The following FBXW7 variants were observed in gnomAD, a reference collection of about 807,000 sequenced individuals.
FBXW7 encodes F-box and WD repeat domain containing 7, also known as F-box/WD repeat-containing protein 7.
FBXW7 carries 11 observed loss-of-function variants against 86.3 expected under a neutral mutation model. The observed-to-expected ratio is 0.13, with a 90% CI of 0.08 to 0.21. The LOEUF (loss-of-function observed/expected upper bound fraction) is 0.21, where lower values mean the gene tolerates loss of function less well. Among genes scored for constraint, FBXW7 ranks in the 10% least tolerant of loss-of-function variants. The probability of loss-of-function intolerance (pLI) is 1.00; values close to 1 mark genes in which losing one functional copy is unlikely to be tolerated. For missense variants in FBXW7, 488 were observed against 847.4 expected, an observed-to-expected ratio of 0.58 and a Z score of 5.27; for synonymous variants, 313 against 297.9, an observed-to-expected ratio of 1.05 and a Z score of -0.52.
At chr4:152,474,102 T>C (rs1442914882) in intron 2 of FBXW7, among the ~76,000 whole-genome samples, 1 of 152,192 alleles carries the variant, frequency 6.6e-6, no homozygotes, top group African/African-American at 2.4e-5. Context: ...ATCCCAAACC[T>C]AAATAGCCCA....
At chr4:152,421,029 C>T (rs1738897277) in intron 2 of FBXW7, among the ~76,000 whole-genome samples, 4 of 152,136 alleles carry the variant, frequency 2.6e-5, no homozygotes. Flanking sequence ...GCTGTTTCAT[C>T]TACATTGAAA....
At chr4:152,353,291 A>T (rs34651152) in intron 4 of FBXW7, among the ~76,000 whole-genome samples, 2,266 of 152,108 alleles carry the variant, frequency 0.015, 28 homozygotes, top group Middle Eastern at 0.037. Flanking sequence ...AAATTAATAT[A>T]CTCTGGGGTT....
chr4:152,329,433 G>C (rs1729349582), intron 10 of FBXW7, among the ~76,000 whole-genome samples: 1 of 151,724 alleles, frequency 6.6e-6, no homozygotes, highest in African/African-American at 2.4e-5. Context: ...CTGTCACAAA[G>C]ATAGACAAAC....
intron 4 of FBXW7, among the ~76,000 whole-genome samples, chr4:152,364,427 T>C (rs1481175344): frequency 5.9e-5 from 9 of 152,156 alleles, no homozygotes; most frequent in Non-Finnish European, 1.0e-4. Context: ...CCAAAATGAT[T>C]TGAACCCTAT....
intron 7 of FBXW7, among the ~76,000 whole-genome samples, chr4:152,333,499 G>C (rs1347544059): frequency 1.3e-5 from 2 of 151,042 alleles, no homozygotes; most frequent in Non-Finnish European, 3.0e-5. Context: ...AGAAAGAAGG[G>C]GAATTATAGC....
chr4:152,468,208 G>A (rs1743631405), intron 2 of FBXW7, among the ~76,000 whole-genome samples: 1 of 152,000 alleles, frequency 6.6e-6, no homozygotes, highest in Non-Finnish European at 1.5e-5. Flanking sequence ...TTGTAAAATG[G>A]TACAGCCATT....
intron 2 of FBXW7, among the ~76,000 whole-genome samples, chr4:152,415,878 T>C (rs1432756024): frequency 2.0e-5 from 3 of 152,158 alleles, no homozygotes; most frequent in Non-Finnish European, 4.4e-5. Flanking sequence ...TCTGTTCAAA[T>C]GTCCCCTATT....
At position 152,321,449 on chromosome 4, in the gene FBXW7, A is replaced by G. The variant is rs549907405; in HGVS notation, c.*1432T>C. The G allele has an allele frequency of 3.9e-5, 9 of 232,966 alleles. No homozygotes were observed. The highest frequency in any genetic ancestry group is 3.4e-4 in the Admixed American group (6 of 17,762). 14.4% of individuals were successfully genotyped at this position (232,966 alleles called of 1,614,324 possible). On this transcript the variant is annotated 3_prime_UTR_variant, in exon 14 of 14. Coordinates refer to ENST00000281708, the MANE Select transcript of FBXW7 (RefSeq NM_001349798.2). ...ATAAATAAAACAAACAAAAAAATAA[A>G]CAGAAGGAGGAAAAAAGATCGCCTA... is the stretch of plus-strand genomic sequence containing the variant.
chr4:152,353,069 C>T lies in FBXW7; in HGVS notation c.502-2945G>A, dbSNP rs1732015318. 2.9e-6 allele frequency: 3 copies of T among 1,030,842 alleles called. No individual in the cohort carries two copies. The African/African-American group carries it at 4.9e-5, about 17-fold the overall frequency. 63.9% of individuals were successfully genotyped at this position (1,030,842 alleles called of 1,614,324 possible). ...GAGGTTATTTTTGTATTTTGTAAAA[C>T]CTGCATTTTTGAAGAGTTTTAAATA... On this transcript the variant is annotated intron_variant, in intron 4 of 13. Coordinates refer to ENST00000281708, the MANE Select transcript of FBXW7 (RefSeq NM_001349798.2).
chr4:152,508,261 C>T (rs1262148633), intron 2 of FBXW7, among the ~76,000 whole-genome samples: 4 of 151,802 alleles, frequency 2.6e-5, no homozygotes, highest in African/African-American at 7.3e-5. Flanking sequence ...AAAAAAAATC[C>T]GCGAGTCCAT....
At chr4:152,450,524 C>T (rs913527320) in intron 2 of FBXW7, among the ~76,000 whole-genome samples, 1 of 152,114 alleles carries the variant, frequency 6.6e-6, no homozygotes, top group African/African-American at 2.4e-5. Flanking sequence ...GCCACGTTAG[C>T]GAAAAATGTC....
chr4:152,491,606 A>G (rs1170683747), intron 2 of FBXW7, among the ~76,000 whole-genome samples: 2 of 152,176 alleles, frequency 1.3e-5, no homozygotes, highest in Non-Finnish European at 2.9e-5. Context: ...GGAGTGCTGA[A>G]TCAGGGTACG....
At chr4:152,386,587 A>C (rs1735544710) in intron 4 of FBXW7, among the ~76,000 whole-genome samples, 1 of 152,110 alleles carries the variant, frequency 6.6e-6, no homozygotes, top group Non-Finnish European at 1.5e-5. Flanking sequence ...AGAATATTTT[A>C]AAACATATTA....
At chr4:152,522,393 T>C (rs775921342) in intron 2 of FBXW7, among the ~76,000 whole-genome samples, 1 of 152,252 alleles carries the variant, frequency 6.6e-6, no homozygotes, top group Non-Finnish European at 1.5e-5. Context: ...CCTTCTTACA[T>C]GTCTGTCTTT....
intron 2 of FBXW7, among the ~76,000 whole-genome samples, chr4:152,494,863 A>G (rs1453082279): frequency 1.3e-5 from 2 of 152,350 alleles, no homozygotes; most frequent in South Asian, 2.1e-4. Flanking sequence ...ATAATAATCT[A>G]TAAGATAGGA....
At chr4:152,391,708 T>C (rs912927792) in intron 4 of FBXW7, among the ~76,000 whole-genome samples, 71 of 152,254 alleles carry the variant, frequency 4.7e-4, no homozygotes, top group African/African-American at 1.5e-3. Flanking sequence ...GCCGAAACCC[T>C]GAGGTATCAT....
chr4:152,461,252 C>CAAAAT (rs200332969), intron 2 of FBXW7, among the ~76,000 whole-genome samples: 2,207 of 152,120 alleles, frequency 0.015, 28 homozygotes, highest in Middle Eastern at 0.037. Flanking sequence ...GACTCCACCA[C>CAAAAT]AAAATAAAAT....
At chr4:152,439,039 C>A (rs72721621) in intron 2 of FBXW7, among the ~76,000 whole-genome samples, 2 of 152,252 alleles carry the variant, frequency 1.3e-5, no homozygotes, top group Non-Finnish European at 2.9e-5. Flanking sequence ...TTAAAGCCAG[C>A]AGGGACAAGC....
chr4:152,501,748 A>G (rs186497217), intron 2 of FBXW7, among the ~76,000 whole-genome samples: 24 of 152,258 alleles, frequency 1.6e-4, no homozygotes, highest in Admixed American at 5.2e-4. Context: ...TTTGTGAAAG[A>G]GCTATTAAAC....
Sources: gnomAD v4.1 joint callset for allele counts (sites outside exome capture counted in the v4.1 genomes callset) on GRCh38, gnomAD v4.1.1 for gene constraint, MANE v1.5 for transcripts, NCBI Gene and HGNC (gene_info 2026-07-23, HGNC 2026-07-21) for gene names.